COLEC10: variants seen among roughly 807,000 people sequenced by gnomAD.
The protein encoded by COLEC10 is collectin subfamily member 10, also known as collectin-10.
COLEC10 carries 22 observed loss-of-function variants against 28.4 expected under a neutral mutation model. The observed-to-expected ratio is 0.78, with a 90% CI of 0.55 to 1.11. The LOEUF (loss-of-function observed/expected upper bound fraction) is 1.11, where lower values mean the gene tolerates loss of function less well. Among genes scored for constraint, COLEC10 ranks in the 50% least tolerant of loss-of-function variants. The probability of loss-of-function intolerance (pLI) is 0.00; values close to 1 mark genes in which losing one functional copy is unlikely to be tolerated. For missense variants in COLEC10, 361 were observed against 344.1 expected, an observed-to-expected ratio of 1.05 and a Z score of -0.39; for synonymous variants, 125 against 116.1, an observed-to-expected ratio of 1.08 and a Z score of -0.49.
chr8:119,041,497 A>G (rs1255162780), intron 2 of COLEC10, among the ~76,000 whole-genome samples: 1 of 152,222 alleles, frequency 6.6e-6, no homozygotes, highest in African/African-American at 2.4e-5. Flanking sequence ...TTCATTTTAT[A>G]AACTGTCCTT....
intron 1 of COLEC10, among the ~76,000 whole-genome samples, chr8:119,083,879 CT>C (rs1815415806): frequency 1.3e-5 from 2 of 151,860 alleles, no homozygotes; most frequent in African/African-American, 4.8e-5. Flanking sequence ...GGAGTTGAGC[CT>C]AAGTATGTGT....
At chr8:119,079,498 CCTGA>C (rs995513548) in intron 1 of COLEC10, among the ~76,000 whole-genome samples, 18 of 151,994 alleles carry the variant, frequency 1.2e-4, no homozygotes, top group Admixed American at 1.2e-3. Context: ...TTTCTATGGG[CCTGA>C]CTGAGAATGC....
chr8:119,091,265 T>C (rs750600293), intron 3 of COLEC10, 45 bp downstream of exon 3: 1 of 1,441,946 alleles, frequency 6.9e-7, no homozygotes, highest in Non-Finnish European at 9.7e-7. Context: ...CAAAGCAAAT[T>C]GAGGCCGGGT....
intron 2 of COLEC10, among the ~76,000 whole-genome samples, chr8:119,011,312 C>A (rs1369800802): frequency 2.7e-5 from 4 of 150,768 alleles, no homozygotes; most frequent in African/African-American, 7.4e-5. Flanking sequence ...TATTTTTGGG[C>A]TCTCTGTTCT....
chr8:119,069,629 A>AAAAATTTATATATATATATAT lies in COLEC10; in HGVS notation c.148+2201_148+2202insAAATTTATATATATATATATA, dbSNP rs1554627284. On this transcript the variant is annotated intron_variant, in intron 1 of 5. Coordinates refer to ENST00000332843, the MANE Select transcript of COLEC10 (RefSeq NM_006438.5). ...TCAAAAAAAAAAAAAAAAAAAAAAA[A>AAAAATTTATATATATATATAT]ATATATATATATATATATATATATA... 9.3e-5 allele frequency among the ~76,000 whole-genome samples: 4 copies of AAAAATTTATATATATATATAT among 42,876 alleles called. 1 individual carries two copies. Among genetic ancestry groups the AAAAATTTATATATATATATAT allele is most frequent in the Non-Finnish European group, 1.8e-4 (4 of 22,814 alleles). 28.1% of individuals were successfully genotyped at this position (42,876 alleles called of 152,430 possible). A position where few individuals can be genotyped will look rare whatever the true frequency, so the allele number is the denominator to read the frequency against.
At chr8:118,978,701 A>G in the COLEC10 span, among the ~76,000 whole-genome samples, 3 of 152,058 alleles carry the variant, frequency 2.0e-5, no homozygotes, top group African/African-American at 7.2e-5. Context: ...CTGATTGCTG[A>G]GGCAAAAGGT....
At chr8:119,039,260 T>TA (rs2130148798) in intron 2 of COLEC10, among the ~76,000 whole-genome samples, 1 of 152,278 alleles carries the variant, frequency 6.6e-6, no homozygotes, top group African/African-American at 2.4e-5. Context: ...ATTCACTACT[T>TA]ACCCTGCAGT....
At chr8:119,056,190 C>G (rs1244776091) in intron 2 of COLEC10, among the ~76,000 whole-genome samples, 1 of 152,004 alleles carries the variant, frequency 6.6e-6, no homozygotes, top group Non-Finnish European at 1.5e-5. Context: ...CTCTGTAACC[C>G]CATTGTTGCT....
At chr8:119,105,755 A>G (rs375600625) in intron 5 of COLEC10, 45 bp from the exon 6 acceptor site, 42 of 1,521,448 alleles carry the variant, frequency 2.8e-5, no homozygotes, top group Admixed American at 1.4e-4. Context: ...GTTGCCTTTT[A>G]TCTTTTTGAG....
chr8:118,953,027 G>A, the COLEC10 span, among the ~76,000 whole-genome samples: 44 of 152,304 alleles, frequency 2.9e-4, no homozygotes, highest in Non-Finnish European at 4.7e-4. Context: ...CCAGATTCAA[G>A]GGAAGGAAGG....
At chr8:119,077,128 A>G (rs1815254357) in intron 1 of COLEC10, among the ~76,000 whole-genome samples, 1 of 152,182 alleles carries the variant, frequency 6.6e-6, no homozygotes. Flanking sequence ...CTCACATAAA[A>G]TGTACAAAGG....
chr8:118,965,292 C>T, the COLEC10 span, among the ~76,000 whole-genome samples: 1 of 152,032 alleles, frequency 6.6e-6, no homozygotes, highest in African/African-American at 2.4e-5. Context: ...CTCTTTCTAC[C>T]TTTCTTTTGT....
upstream of COLEC10, chr8:119,062,907 A>G (rs1033829065): frequency 1.3e-5 from 2 of 152,172 alleles, no homozygotes; most frequent in Non-Finnish European, 2.9e-5. Flanking sequence ...TTTTTTACAA[A>G]CTGTATAAAG....
chr8:119,029,596 G>C (rs1041679429), intron 2 of COLEC10, among the ~76,000 whole-genome samples: 13 of 152,150 alleles, frequency 8.5e-5, no homozygotes, highest in African/African-American at 3.1e-4. Context: ...GCCTCGCAAA[G>C]GTGGGTATAT....
intron 2 of COLEC10, among the ~76,000 whole-genome samples, chr8:119,038,640 A>G (rs1814434471): frequency 6.6e-6 from 1 of 152,262 alleles, no homozygotes; most frequent in South Asian, 2.1e-4. Context: ...TTAGAAATGT[A>G]TTTAAACCAA....
rs866322596 is a variant in COLEC10 at position 119,075,916 on chromosome 8, T to G, written c.148+8487T>G. ...TCTTTTTTTTTTTTTTTTTTTTTTT[T>G]GTGAGACAGAGTCTCGCTCTGTCAC... On this transcript the variant is annotated intron_variant, in intron 1 of 5. Transcript: ENST00000332843. 3.2e-3 allele frequency among the ~76,000 whole-genome samples: 267 copies of G among 83,036 alleles called. 2 individuals carry two copies. Among genetic ancestry groups the G allele is most frequent in the South Asian group, 0.03 (66 of 2,186 alleles). The allele number at this position is 83,036 out of a possible 152,430, so 54.5% of individuals were successfully genotyped here. A position where few individuals can be genotyped will look rare whatever the true frequency, so the allele number is the denominator to read the frequency against.
chr8:119,081,208 T>G (rs1204043560), intron 1 of COLEC10, among the ~76,000 whole-genome samples: 1 of 152,192 alleles, frequency 6.6e-6, no homozygotes, highest in Non-Finnish European at 1.5e-5. Context: ...CCAAGAACAA[T>G]GAATGATAAC....
At chr8:119,078,803 C>T (rs1587047215) in intron 1 of COLEC10, among the ~76,000 whole-genome samples, 1 of 152,078 alleles carries the variant, frequency 6.6e-6, no homozygotes, top group East Asian at 1.9e-4. Flanking sequence ...AAGGTAATGG[C>T]AAAAACTGCA....
chr8:119,028,000 A>G (rs1324013564), intron 2 of COLEC10, among the ~76,000 whole-genome samples: 1 of 152,190 alleles, frequency 6.6e-6, no homozygotes. Context: ...CTTACCTTGA[A>G]GGATCTGTGT....
Sources: gnomAD v4.1 joint callset for allele counts (sites outside exome capture counted in the v4.1 genomes callset) on GRCh38, gnomAD v4.1.1 for gene constraint, MANE v1.5 for transcripts, NCBI Gene and HGNC (gene_info 2026-07-23, HGNC 2026-07-21) for gene names.